The following TNRC6A variants were observed in gnomAD, a reference collection of about 807,000 sequenced individuals.
The protein encoded by TNRC6A is trinucleotide repeat containing adaptor 6A.
TNRC6A carries 44 observed loss-of-function variants against 221.2 expected under a neutral mutation model. That is an observed-to-expected ratio of 0.20 (90% CI 0.16 to 0.26). The LOEUF (loss-of-function observed/expected upper bound fraction) is 0.26, where lower values mean the gene tolerates loss of function less well. Among genes scored for constraint, TNRC6A ranks in the 10% least tolerant of loss-of-function variants. The probability of loss-of-function intolerance (pLI) is 1.00; values close to 1 mark genes in which losing one functional copy is unlikely to be tolerated. For missense variants in TNRC6A, 2,199 were observed against 2,404.4 expected (o/e 0.91, Z 1.79); for synonymous variants, 847 against 838.5 (o/e 1.01, Z -0.18).
At chr16:24,680,485 C>G (rs2055509910) in intron 2 of TNRC6A, among the ~76,000 whole-genome samples, 1 of 151,228 alleles carries the variant, frequency 6.6e-6, no homozygotes, top group Non-Finnish European at 1.5e-5. Context: ...TTTGGGAGGT[C>G]GAGGCAGGCA....
In TNRC6A at chr16:24,804,044, G is replaced by A. The variant is rs116675950; in HGVS notation, c.3695-133G>A. On this transcript the variant is annotated intron_variant, in intron 11 of 24. Coordinates refer to ENST00000395799, the MANE Select transcript of TNRC6A (RefSeq NM_014494.4). Reference sequence around the variant, plus strand: ...AATGCAAAATTTATGAAATGGAAGTGTATTTTTCACATACCCTTGTCTTGG... The same window carrying A: ...AATGCAAAATTTATGAAATGGAAGTATATTTTTCACATACCCTTGTCTTGG... The A allele has an allele frequency of 2.3e-3, 1,930 of 857,068 alleles. 28 individuals are homozygous for A. The African/African-American group carries it at 0.03, about 14-fold the overall frequency. 53.1% of individuals were successfully genotyped at this position (857,068 alleles called of 1,614,324 possible). A position where few individuals can be genotyped will look rare whatever the true frequency, so the allele number is the denominator to read the frequency against.
At chr16:24,636,040 C>A (rs1044807269) in intron 1 of TNRC6A, among the ~76,000 whole-genome samples, 4 of 152,176 alleles carry the variant, frequency 2.6e-5, no homozygotes, top group Non-Finnish European at 5.9e-5. Context: ...GGGCACTGAT[C>A]GCCTTGGGGA....
intron 2 of TNRC6A, among the ~76,000 whole-genome samples, chr16:24,643,781 A>C (rs567158965): frequency 5.3e-5 from 8 of 152,006 alleles, no homozygotes; most frequent in Admixed American, 4.6e-4. Context: ...ACACACGGAC[A>C]CTGATCCTAT....
At chr16:24,646,035 G>T (rs1902271332) in intron 2 of TNRC6A, among the ~76,000 whole-genome samples, 2 of 151,568 alleles carry the variant, frequency 1.3e-5, no homozygotes, top group Non-Finnish European at 2.9e-5. Context: ...TATATATTTT[G>T]CATATTGATT....
chr16:24,690,522 C>T (rs1344674640), intron 2 of TNRC6A, among the ~76,000 whole-genome samples: 1 of 151,966 alleles, frequency 6.6e-6, no homozygotes, highest in Admixed American at 6.6e-5. Flanking sequence ...CATTGGGTGC[C>T]TACTACATGA....
intron 11 of TNRC6A, among the ~76,000 whole-genome samples, chr16:24,800,224 C>T (rs1446331927): frequency 6.6e-6 from 1 of 152,152 alleles, no homozygotes; most frequent in East Asian, 1.9e-4. Context: ...GTGAGAGAAG[C>T]CGCTCGCACT....
chr16:24,714,857 T>C (rs1006576364), intron 2 of TNRC6A, among the ~76,000 whole-genome samples: 1 of 151,662 alleles, frequency 6.6e-6, no homozygotes, highest in Non-Finnish European at 1.5e-5. Context: ...TTTTTGCTTA[T>C]CTGGTACATT....
intron 7 of TNRC6A, 99 bp downstream of exon 7, chr16:24,793,748 T>G: frequency 1.0e-6 from 1 of 981,234 alleles, no homozygotes; most frequent in Non-Finnish European, 1.3e-6. Context: ...TTATTTATAA[T>G]ATATTCATAT....
At chr16:24,816,328 CAAAAA>C (rs68019317) in intron 19 of TNRC6A, 3 of 103,202 alleles carry the variant, frequency 2.9e-5, no homozygotes, top group Non-Finnish European at 4.2e-5. Flanking sequence ...GACTCTGTCT[CAAAAA>C]AAAAAAAAAA....
At chr16:24,705,979 A>G (rs1016168743) in intron 2 of TNRC6A, among the ~76,000 whole-genome samples, 4 of 152,232 alleles carry the variant, frequency 2.6e-5, no homozygotes, top group Admixed American at 2.6e-4. Flanking sequence ...TCTCTCATAA[A>G]CAATGAGTTA....
intron 2 of TNRC6A, among the ~76,000 whole-genome samples, chr16:24,692,022 G>A (rs1215733370): frequency 2.0e-5 from 3 of 152,134 alleles, no homozygotes; most frequent in Admixed American, 6.6e-5. Flanking sequence ...AAAAAAGAAT[G>A]AGTGAATAGG....
rs776529714 is a variant in TNRC6A, at chr16:24,797,922, C to T, written c.3650C>T (p.Ser1217Leu). 1 of 1,609,958 alleles carries T rather than the reference C, an allele frequency of 6.2e-7. No homozygotes were observed. Among genetic ancestry groups the T allele is most frequent in the African/African-American group, 1.3e-5 (1 of 74,822 alleles). Residue 1217 changes from serine (S) to leucine (L), a missense_variant, in exon 11 of 25, where the codon TCA (serine) becomes TTA (leucine). Around this residue, in one of 8 missense-constraint regions of TNRC6A, gnomAD observed 158 missense variants for 159.1 expected, o/e 0.99. Transcript: ENST00000395799. ...TGCATTTTCTTTCTTCAGAGAGACT[C>T]ACCAGAGGAAAATGTACAAAGCAAT... Reference protein sequence around the residue: ...QFSNISFSRDSPEENVQSNKM... With the variant: ...QFSNISFSRDLPEENVQSNKM...
At chr16:24,820,917 C>T (rs1378672807) in intron 22 of TNRC6A, among the ~76,000 whole-genome samples, 1 of 152,206 alleles carries the variant, frequency 6.6e-6, no homozygotes, top group African/African-American at 2.4e-5. Context: ...ACACACAGCC[C>T]CAGATGAGCC....
At chr16:24,730,413 G>A (rs1455861528) in intron 2 of TNRC6A, 113 bp downstream of exon 2, 1 of 1,285,952 alleles carries the variant, frequency 7.8e-7, no homozygotes, top group African/African-American at 1.6e-5. Context: ...CGCACCCGGA[G>A]AGCAGACATT....
At chr16:24,740,787 G>A (rs971994103) in intron 2 of TNRC6A, among the ~76,000 whole-genome samples, 2 of 152,066 alleles carry the variant, frequency 1.3e-5, no homozygotes, top group East Asian at 1.9e-4. Flanking sequence ...CTCTGTACCC[G>A]TTAAATCATA....
Position 24,747,876 on chromosome 16 carries a change from T to G in TNRC6A, c.54-2850T>G, listed in dbSNP as rs16973976. Among the ~76,000 whole-genome samples, 4,918 of 152,116 alleles carry G rather than the reference T, an allele frequency of 0.032. 517 individuals carry two copies. In the East Asian group the frequency reaches 0.36, roughly 11 times the overall value. ...ATCAGAAAGTCTTGAAAATGAAGTTTGAGAAAGGAGAAAATACTCCAGATA... is the reference window on the plus strand; with the variant it reads ...ATCAGAAAGTCTTGAAAATGAAGTTGGAGAAAGGAGAAAATACTCCAGATA... On this transcript the variant is annotated intron_variant, in intron 2 of 24. Transcript: ENST00000395799.
intron 3 of TNRC6A, among the ~76,000 whole-genome samples, chr16:24,753,738 T>G (rs1476205484): frequency 6.6e-6 from 1 of 152,262 alleles, no homozygotes. Context: ...CCCATTTATA[T>G]AAATGTTGGC....
intron 18 of TNRC6A, among the ~76,000 whole-genome samples, chr16:24,814,201 CTG>C (rs1181582974): frequency 6.6e-6 from 1 of 152,030 alleles, no homozygotes; most frequent in East Asian, 1.9e-4. Context: ...TGCTGGCACA[CTG>C]TGACTTGAAG....
chr16:24,735,801 G>C (rs773307625), intron 2 of TNRC6A, among the ~76,000 whole-genome samples: 25 of 152,308 alleles, frequency 1.6e-4, no homozygotes, highest in African/African-American at 5.3e-4. Flanking sequence ...TGCGTTATAT[G>C]TATTCTGTTC....
Sources: allele counts gnomAD v4.1 joint callset (sites outside exome capture counted in the v4.1 genomes callset), GRCh38; gene constraint gnomAD v4.1.1; regional missense constraint gnomAD v4.1.1; transcripts MANE v1.5; gene names NCBI Gene and HGNC (gene_info 2026-07-23, HGNC 2026-07-21).